The following SPAG16 variants were observed in gnomAD, a reference collection of about 807,000 sequenced individuals.
The protein encoded by SPAG16 is sperm associated antigen 16, also known as sperm-associated antigen 16 protein.
Under a neutral mutation model 80.4 loss-of-function variants are expected in SPAG16, and 86 were observed. The ratio of observed to expected loss-of-function variants is 1.07; its 90% confidence interval spans 0.90 to 1.28. SPAG16 has a LOEUF of 1.28. Among genes scored for constraint, SPAG16 ranks in the 50% most tolerant of loss-of-function variants. The pLI is 0.00. For missense variants in SPAG16, 870 were observed against 765.3 expected (o/e 1.14, Z -1.61); for synonymous variants, 294 against 265.9 (o/e 1.11, Z -1.03).
intron 3 of SPAG16, among the ~76,000 whole-genome samples, chr2:213,304,955 T>A (rs1425264894): frequency 8.5e-5 from 13 of 152,184 alleles, no homozygotes; most frequent in South Asian, 6.2e-4. Flanking sequence ...AATTTGTAAA[T>A]TGCTTTGGAT....
At chr2:213,573,122 C>A (rs2059983862) in intron 10 of SPAG16, among the ~76,000 whole-genome samples, 1 of 152,136 alleles carries the variant, frequency 6.6e-6, no homozygotes, top group Non-Finnish European at 1.5e-5. Flanking sequence ...CACCCACTGG[C>A]CTGCGCCCAC....
chr2:214,269,319 T>C (rs906158222), intron 15 of SPAG16, among the ~76,000 whole-genome samples: 3 of 152,016 alleles, frequency 2.0e-5, no homozygotes, highest in African/African-American at 7.2e-5. Context: ...ACATCTAGCC[T>C]AATGTGACCT....
chr2:213,403,743 A>T (rs912794509), intron 9 of SPAG16, among the ~76,000 whole-genome samples: 3 of 152,194 alleles, frequency 2.0e-5, no homozygotes, highest in South Asian at 4.1e-4. Flanking sequence ...AGCGTATTCA[A>T]TTAGGAAAAG....
intron 15 of SPAG16, among the ~76,000 whole-genome samples, chr2:214,266,393 T>C (rs1354906468): frequency 1.3e-5 from 2 of 152,030 alleles, no homozygotes; most frequent in Non-Finnish European, 2.9e-5. Flanking sequence ...ATAGATAGAC[T>C]TTATTTTTGG....
intron 13 of SPAG16, among the ~76,000 whole-genome samples, chr2:214,027,367 G>A (rs568662872): frequency 9.8e-4 from 149 of 151,604 alleles, no homozygotes; most frequent in Non-Finnish European, 1.9e-3. Context: ...TAATGATATA[G>A]ATGTATCACT....
At chr2:213,782,582 T>G (rs540019905) in intron 10 of SPAG16, among the ~76,000 whole-genome samples, 1 of 152,194 alleles carries the variant, frequency 6.6e-6, no homozygotes, top group South Asian at 2.1e-4. Context: ...GAACTGAAGG[T>G]TGAAATTACA....
chr2:213,552,963 G>T (rs2076830489), intron 10 of SPAG16, among the ~76,000 whole-genome samples: 3 of 152,166 alleles, frequency 2.0e-5, no homozygotes, highest in South Asian at 2.1e-4. Flanking sequence ...GGGCTCTCAG[G>T]CCTTCAGCCA....
intron 10 of SPAG16, among the ~76,000 whole-genome samples, chr2:213,818,234 A>G (rs1317132379): frequency 6.6e-6 from 1 of 152,178 alleles, no homozygotes; most frequent in Admixed American, 6.6e-5. Flanking sequence ...ATCTTTCATC[A>G]GTTCTTTACT....
chr2:213,650,350 A>G (rs1024795499), intron 10 of SPAG16, among the ~76,000 whole-genome samples: 6 of 152,206 alleles, frequency 3.9e-5, no homozygotes, highest in Admixed American at 3.3e-4. Flanking sequence ...AAAATATGAC[A>G]TATCTCTCCT....
chr2:213,711,837 A>T (rs1291497831), intron 10 of SPAG16, among the ~76,000 whole-genome samples: 3 of 152,028 alleles, frequency 2.0e-5, no homozygotes, highest in Non-Finnish European at 4.4e-5. Context: ...ACAATTTTCT[A>T]TTTTTATTTA....
intron 10 of SPAG16, among the ~76,000 whole-genome samples, chr2:213,631,858 C>A (rs2062164699): frequency 6.6e-6 from 1 of 152,046 alleles, no homozygotes; most frequent in Non-Finnish European, 1.5e-5. Flanking sequence ...TGGTTTTATG[C>A]CAGTATCATG....
chr2:213,888,626 T>G (rs2076661746), intron 11 of SPAG16, among the ~76,000 whole-genome samples: 1 of 151,840 alleles, frequency 6.6e-6, no homozygotes, highest in Non-Finnish European at 1.5e-5. Context: ...TGCTGTCTCA[T>G]GTCTAATAAT....
intron 10 of SPAG16, among the ~76,000 whole-genome samples, chr2:213,693,373 C>G (rs1310265672): frequency 1.3e-5 from 2 of 152,182 alleles, no homozygotes; most frequent in African/African-American, 4.8e-5. Flanking sequence ...GGAGCAAAAC[C>G]AGAGTTAAGA....
At position 214,203,094 on chromosome 2, in the gene SPAG16, C is replaced by T. The variant is rs551117101; in HGVS notation, c.1720+53828C>T. Reference sequence around the variant, plus strand: ...ATGTTGTCAGCAAAGGTGCTTTATTCACACTAAATGAAAAATACAGTCTTC... The same window carrying T: ...ATGTTGTCAGCAAAGGTGCTTTATTTACACTAAATGAAAAATACAGTCTTC... On this transcript the variant is annotated intron_variant, in intron 15 of 15. Coordinates refer to ENST00000331683, the MANE Select transcript of SPAG16 (RefSeq NM_024532.5). Among the ~76,000 whole-genome samples, 14 of 152,196 alleles carry T rather than the reference C, an allele frequency of 9.2e-5. No individual in the cohort carries two copies. In the East Asian group the frequency reaches 2.7e-3, roughly 29 times the overall value.
chr2:214,127,351 T>C (rs1228899286), intron 14 of SPAG16, among the ~76,000 whole-genome samples: 1 of 151,786 alleles, frequency 6.6e-6, no homozygotes, highest in Non-Finnish European at 1.5e-5. Flanking sequence ...CAGTTTCTTA[T>C]GTAAATTTAT....
chr2:213,934,141 C>T (rs1388108241), intron 12 of SPAG16, among the ~76,000 whole-genome samples: 1 of 152,190 alleles, frequency 6.6e-6, no homozygotes, highest in South Asian at 2.1e-4. Context: ...GGGGGACAGC[C>T]ATGGTCCAAT....
chr2:214,305,643 T>G lies in SPAG16; in HGVS notation c.1721-104497T>G, dbSNP rs562037355. On this transcript the variant is annotated intron_variant, in intron 15 of 15. Transcript: ENST00000331683. ...ATTGAATAGGAAACCTTTTCCTTATTGCTTGTTTTTGTCATGTTTTCAAAG... is the reference window on the plus strand; with the variant it reads ...ATTGAATAGGAAACCTTTTCCTTATGGCTTGTTTTTGTCATGTTTTCAAAG... Among the ~76,000 whole-genome samples, 14 of 152,326 alleles carry G rather than the reference T, an allele frequency of 9.2e-5. No homozygotes were observed. The South Asian group carries it at 2.9e-3, about 32-fold the overall frequency.
At chr2:213,946,360 GCCT>G (rs2079469264) in intron 12 of SPAG16, among the ~76,000 whole-genome samples, 50 of 152,118 alleles carry the variant, frequency 3.3e-4, no homozygotes, top group African/African-American at 9.2e-4. Context: ...AGATCTACCT[GCCT>G]CGGCCTCCCA....
intron 15 of SPAG16, among the ~76,000 whole-genome samples, chr2:214,291,300 CTTTTTTTTTT>C (rs56771172): frequency 1.2e-5 from 1 of 80,484 alleles, no homozygotes; most frequent in African/African-American, 5.1e-5. Flanking sequence ...GATCATGTTT[CTTTTTTTTTT>C]TTTTTTTTTT....
Sources: gnomAD v4.1 joint callset for allele counts (sites outside exome capture counted in the v4.1 genomes callset) on GRCh38, gnomAD v4.1.1 for gene constraint, MANE v1.5 for transcripts, NCBI Gene and HGNC (gene_info 2026-07-23, HGNC 2026-07-21) for gene names.